PRDM1: variants seen among roughly 807,000 people sequenced by gnomAD.
PRDM1 encodes PR/SET domain 1, also known as PR domain zinc finger protein 1.
Under a neutral mutation model 62.8 loss-of-function variants are expected in PRDM1, and 13 were observed. That is an observed-to-expected ratio of 0.21 (90% CI 0.13 to 0.33). PRDM1 has a LOEUF of 0.33. PRDM1 is among the 10% of genes least tolerant of loss of function. The pLI is 1.00. For synonymous variants in PRDM1, 396 were observed against 417.6 expected, an observed-to-expected ratio of 0.95 and a Z score of 0.63; for missense variants, 895 against 1,058.8, an observed-to-expected ratio of 0.85 and a Z score of 2.15.
chr6:106,088,344 G>C lies in PRDM1; in HGVS notation c.186G>C (p.Val62=). The change falls in exon 2 of 7, where the codon GTG becomes GTC. Residue 62 remains valine, a synonymous_variant. Coordinates refer to ENST00000369096, the MANE Select transcript of PRDM1 (RefSeq NM_001198.4). Reference sequence around the variant, plus strand: ...TTGAAGAGAAGTGTACATACATTGTGAACGACCACCCCTGGGATTCTGGTG... The same window carrying C: ...TTGAAGAGAAGTGTACATACATTGTCAACGACCACCCCTGGGATTCTGGTG... The part of the protein sequence containing the change: ...AEFEEKCTYI[V]NDHPWDSGAD... 1.9e-6 allele frequency: 3 copies of C among 1,614,198 alleles called. No homozygotes were observed. The highest frequency in any genetic ancestry group is 2.5e-6 in the Non-Finnish European group (3 of 1,180,052).
intron 1 of PRDM1, among the ~76,000 whole-genome samples, chr6:106,021,781 C>T (rs573542193): frequency 5.3e-5 from 8 of 152,210 alleles, no homozygotes; most frequent in Non-Finnish European, 8.8e-5. Flanking sequence ...CCACCACGCC[C>T]GGCTAATTTT....
chr6:106,093,054 T>A (rs1330871348), intron 2 of PRDM1, among the ~76,000 whole-genome samples: 1 of 152,234 alleles, frequency 6.6e-6, no homozygotes, highest in Non-Finnish European at 1.5e-5. Context: ...CATAGACCTC[T>A]CTTCTACCAC....
rs1422153563 is a variant in PRDM1, at chr6:106,066,491, G to C, written c.-67+17777G>C. ...TGCTTCATGATTCTCCCACAGAGCAGGTTGGATTTTAGAATCCAGCATTTC... is the reference window on the plus strand; with the variant it reads ...TGCTTCATGATTCTCCCACAGAGCACGTTGGATTTTAGAATCCAGCATTTC... On this transcript the variant is annotated intron_variant, in intron 1 of 6. Coordinates refer to the PRDM1 transcript ENST00000651185. Among the ~76,000 whole-genome samples the C allele has an allele frequency of 2.0e-5, 3 of 152,258 alleles. No homozygotes were observed. The East Asian group carries it at 5.8e-4, about 29-fold the overall frequency.
chr6:105,995,173 C>G (rs2114536929), intron 1 of PRDM1, among the ~76,000 whole-genome samples: 1 of 152,304 alleles, frequency 6.6e-6, no homozygotes, highest in South Asian at 2.1e-4. Context: ...ATAGGTTAGG[C>G]TTGCACGGAA....
intron 1 of PRDM1, among the ~76,000 whole-genome samples, chr6:106,068,885 T>A (rs1582448717): frequency 6.6e-6 from 1 of 152,314 alleles, no homozygotes; most frequent in South Asian, 2.1e-4. Flanking sequence ...GAGGCTATGG[T>A]ACATCCCCCA....
intron 3 of PRDM1, chr6:106,098,887 T>G: frequency 6.6e-7 from 1 of 1,511,538 alleles, no homozygotes. Context: ...GCCGGCTTGG[T>G]CTTCTACCCA....
intron 1 of PRDM1, among the ~76,000 whole-genome samples, chr6:106,058,853 A>G (rs928790569): frequency 6.6e-6 from 1 of 152,208 alleles, no homozygotes; most frequent in Admixed American, 6.5e-5. Flanking sequence ...TATAAGCTTG[A>G]GCCACTGCGC....
At chr6:106,100,409 GTTT>G (rs2114641065) in intron 4 of PRDM1, 1 of 152,296 alleles carries the variant, frequency 6.6e-6, no homozygotes, top group Non-Finnish European at 1.5e-5. Flanking sequence ...GTAACTTTTG[GTTT>G]TGATATCATT....
At chr6:106,033,001 G>A (rs752775381) in intron 1 of PRDM1, among the ~76,000 whole-genome samples, 4 of 151,972 alleles carry the variant, frequency 2.6e-5, no homozygotes, top group African/African-American at 7.3e-5. Flanking sequence ...GCCCTATGAG[G>A]TGGGTTGTAT....
chr6:106,002,910 G>A (rs775418838), intron 1 of PRDM1, among the ~76,000 whole-genome samples: 2 of 152,154 alleles, frequency 1.3e-5, no homozygotes, highest in Admixed American at 6.5e-5. Context: ...AATAGAGTTG[G>A]CCATTCTCTT....
chr6:106,030,104 A>G (rs1369239100), intron 1 of PRDM1, among the ~76,000 whole-genome samples: 1 of 152,188 alleles, frequency 6.6e-6, no homozygotes, highest in Non-Finnish European at 1.5e-5. Context: ...TATTTTGGGC[A>G]TAAGTCCTAT....
At position 106,039,089 on chromosome 6, in the gene PRDM1, AT is replaced by A. The variant is rs564946890; in HGVS notation, c.-67+45456del. Among the ~76,000 whole-genome samples the A allele has an allele frequency of 4.8e-3, 658 of 138,258 alleles. 5 individuals are homozygous for A. The highest frequency in any genetic ancestry group is 0.017 in the African/African-American group (619 of 37,380). The allele number at this position is 138,258 out of a possible 152,430, so 90.7% of individuals were successfully genotyped here. A position where few individuals can be genotyped will look rare whatever the true frequency, so the allele number is the denominator to read the frequency against. On this transcript the variant is annotated intron_variant, in intron 1 of 6. Transcript: ENST00000652320. ...ATATATGAGTATGTATTTTTAAAAC[AT>A]TTTTTAAATAAGTAAGTAATCTTCT...
At chr6:106,008,087 G>T (rs1772503575) in intron 1 of PRDM1, among the ~76,000 whole-genome samples, 1 of 152,210 alleles carries the variant, frequency 6.6e-6, no homozygotes, top group African/African-American at 2.4e-5. Context: ...AATGGTCCCA[G>T]TGGGGCTGGG....
intron 3 of PRDM1, chr6:106,098,277 G>A: frequency 1.0e-6 from 1 of 985,282 alleles, no homozygotes; most frequent in Non-Finnish European, 1.2e-6. Context: ...CTCCTAAAAA[G>A]AGGGGAAGAG....
intron 1 of PRDM1, among the ~76,000 whole-genome samples, chr6:106,026,196 T>G (rs1003461381): frequency 2.0e-5 from 3 of 151,986 alleles, no homozygotes; most frequent in Non-Finnish European, 4.4e-5. Context: ...GAGCAGAAAA[T>G]GGCCGGGTGC....
At chr6:106,082,009 TCTC>T (rs1773702469), upstream of PRDM1, among the ~76,000 whole-genome samples, 3 of 152,266 alleles carry the variant, frequency 2.0e-5, no homozygotes, top group Middle Eastern at 0.01. Flanking sequence ...CAGAATGGCT[TCTC>T]CTCCCACTGA....
At chr6:106,028,892 T>C (rs1305173526) in intron 1 of PRDM1, among the ~76,000 whole-genome samples, 1 of 151,966 alleles carries the variant, frequency 6.6e-6, no homozygotes, top group Non-Finnish European at 1.5e-5. Flanking sequence ...TGTAAATATA[T>C]TTCCCTATGT....
intron 1 of PRDM1, among the ~76,000 whole-genome samples, chr6:106,078,703 C>T (rs916657381): frequency 6.6e-5 from 10 of 152,070 alleles, no homozygotes; most frequent in Non-Finnish European, 1.3e-4. Flanking sequence ...GAAACCCTGT[C>T]TCTATCAAAA....
intron 1 of PRDM1, among the ~76,000 whole-genome samples, chr6:106,038,014 C>CTTTTT (rs1227783243): frequency 0.012 from 576 of 47,764 alleles, 179 homozygotes; most frequent in African/African-American, 0.022. Context: ...CTATTTTTGT[C>CTTTTT]TTTTTTTTTT....
Sources: allele counts gnomAD v4.1 joint callset (sites outside exome capture counted in the v4.1 genomes callset), GRCh38; gene constraint gnomAD v4.1.1; transcripts MANE v1.5; gene names NCBI Gene and HGNC (gene_info 2026-07-23, HGNC 2026-07-21).